KCNQ3: variants seen among roughly 807,000 people sequenced by gnomAD.
The protein encoded by KCNQ3 is potassium voltage-gated channel subfamily KQT member 3.
KCNQ3 carries 30 observed loss-of-function variants against 92.5 expected under a neutral mutation model. That is an observed-to-expected ratio of 0.32 (90% CI 0.24 to 0.44). KCNQ3 has a LOEUF of 0.44. KCNQ3 is among the 20% of genes least tolerant of loss of function. The pLI is 1.00. For missense variants in KCNQ3, 913 were observed against 1,140.3 expected, an observed-to-expected ratio of 0.80 and a Z score of 2.87; for synonymous variants, 450 against 468.8, an observed-to-expected ratio of 0.96 and a Z score of 0.52.
intron 1 of KCNQ3, among the ~76,000 whole-genome samples, chr8:132,285,252 G>C (rs1021534494): frequency 3.9e-5 from 6 of 152,298 alleles, no homozygotes; most frequent in African/African-American, 1.2e-4. Flanking sequence ...TCTGGTGAGA[G>C]CACAGAAGAC....
chr8:132,181,133 C>T (rs1826755164), intron 3 of KCNQ3, among the ~76,000 whole-genome samples: 1 of 152,140 alleles, frequency 6.6e-6, no homozygotes, highest in South Asian at 2.1e-4. Flanking sequence ...AGAATGTCCA[C>T]TACAGACATT....
intron 1 of KCNQ3, among the ~76,000 whole-genome samples, chr8:132,282,694 C>A (rs1816561115): frequency 6.6e-6 from 1 of 152,232 alleles, no homozygotes; most frequent in East Asian, 1.9e-4. Context: ...CCAGCTTAGG[C>A]ACAAAGGCAG....
intron 1 of KCNQ3, among the ~76,000 whole-genome samples, chr8:132,308,354 C>T (rs985111079): frequency 6.6e-6 from 1 of 152,060 alleles, no homozygotes; most frequent in Non-Finnish European, 1.5e-5. Flanking sequence ...TCTACAGTGA[C>T]AAGTACCATT....
chr8:132,371,505 G>T (rs2130738452), intron 1 of KCNQ3, among the ~76,000 whole-genome samples: 1 of 152,320 alleles, frequency 6.6e-6, no homozygotes, highest in African/African-American at 2.4e-5. Context: ...AGGATGAGAT[G>T]GAAATGACTG....
chr8:132,287,493 A>G (rs1341045652), intron 1 of KCNQ3, among the ~76,000 whole-genome samples: 1 of 152,254 alleles, frequency 6.6e-6, no homozygotes, highest in Non-Finnish European at 1.5e-5. Flanking sequence ...ACTATTGGCA[A>G]TAGCCAAAAG....
intron 1 of KCNQ3, among the ~76,000 whole-genome samples, chr8:132,272,530 A>T (rs1011911371): frequency 6.6e-6 from 1 of 152,196 alleles, no homozygotes; most frequent in Admixed American, 6.5e-5. Flanking sequence ...GGGAAGAAAA[A>T]GAGGTTTAAT....
intron 4 of KCNQ3, among the ~76,000 whole-genome samples, chr8:132,179,525 C>T (rs764673876): frequency 1.3e-5 from 2 of 152,094 alleles, no homozygotes; most frequent in Admixed American, 1.3e-4. Flanking sequence ...ATGAGCTAGT[C>T]CTTGTCAAGC....
At chr8:132,368,013 C>T (rs569457389) in intron 1 of KCNQ3, among the ~76,000 whole-genome samples, 6 of 152,300 alleles carry the variant, frequency 3.9e-5, no homozygotes, top group African/African-American at 1.4e-4. Flanking sequence ...GAAAGGGAAA[C>T]AATACCACCT....
At chr8:132,383,177 A>G (rs1049404394) in intron 1 of KCNQ3, among the ~76,000 whole-genome samples, 1 of 152,200 alleles carries the variant, frequency 6.6e-6, no homozygotes, top group Non-Finnish European at 1.5e-5. Flanking sequence ...TTTGAAGACC[A>G]AGTGCTCACC....
intron 1 of KCNQ3, among the ~76,000 whole-genome samples, chr8:132,320,410 C>T (rs143887814): frequency 1.3e-4 from 20 of 152,228 alleles, no homozygotes; most frequent in African/African-American, 3.6e-4. Flanking sequence ...GTCTTTCTTG[C>T]CTGTTTTGCC....
chr8:132,449,134 T>C (rs1821763729), intron 1 of KCNQ3, among the ~76,000 whole-genome samples: 1 of 152,206 alleles, frequency 6.6e-6, no homozygotes, highest in South Asian at 2.1e-4. Context: ...AGCCATTCAG[T>C]GGGTTAGAGC....
At chr8:132,265,755 G>T (rs189989382) in intron 1 of KCNQ3, among the ~76,000 whole-genome samples, 92 of 152,264 alleles carry the variant, frequency 6.0e-4, no homozygotes, top group Middle Eastern at 6.8e-3. Flanking sequence ...GCTTTAAATG[G>T]CCTTATGTGT....
chr8:132,453,529 G>C (rs901520456), intron 1 of KCNQ3, among the ~76,000 whole-genome samples: 1 of 152,116 alleles, frequency 6.6e-6, no homozygotes, highest in African/African-American at 2.4e-5. Context: ...AAACCGAGGG[G>C]CCTGCACTGG....
chr8:132,392,104 G>A (rs138546761), intron 1 of KCNQ3, among the ~76,000 whole-genome samples: 122 of 152,114 alleles, frequency 8.0e-4, no homozygotes, highest in African/African-American at 2.8e-3. Context: ...TACAGCATCC[G>A]GCCTCCCCCC....
chr8:132,301,273 C>G (rs554477225), intron 1 of KCNQ3, among the ~76,000 whole-genome samples: 1 of 152,168 alleles, frequency 6.6e-6, no homozygotes, highest in South Asian at 2.1e-4. Context: ...TCCGACTGTA[C>G]GCCCATCTCA....
intron 1 of KCNQ3, among the ~76,000 whole-genome samples, chr8:132,349,571 G>A (rs1056243830): frequency 2.0e-5 from 3 of 152,190 alleles, no homozygotes; most frequent in African/African-American, 7.2e-5. Flanking sequence ...TGCAAGAAGG[G>A]GCTTGGGATA....
At chr8:132,269,311 A>G (rs947588843) in intron 1 of KCNQ3, among the ~76,000 whole-genome samples, 2 of 152,072 alleles carry the variant, frequency 1.3e-5, no homozygotes, top group African/African-American at 4.8e-5. Flanking sequence ...ATTTTCTCCT[A>G]TGTTTCCTCC....
intron 1 of KCNQ3, among the ~76,000 whole-genome samples, chr8:132,434,088 T>G (rs1391458339): frequency 8.9e-5 from 13 of 145,932 alleles, no homozygotes; most frequent in Admixed American, 6.8e-4. Flanking sequence ...GGCGCCTGTA[T>G]TCCCAGCTAC....
intron 1 of KCNQ3, among the ~76,000 whole-genome samples, chr8:132,305,197 C>T (rs1353293637): frequency 6.6e-6 from 1 of 152,178 alleles, no homozygotes; most frequent in Non-Finnish European, 1.5e-5. Flanking sequence ...TAAACTGATC[C>T]AGCCATGACA....
Sources: allele counts gnomAD v4.1 joint callset (sites outside exome capture counted in the v4.1 genomes callset), GRCh38; gene constraint gnomAD v4.1.1; transcripts MANE v1.5; gene names NCBI Gene and HGNC (gene_info 2026-07-23, HGNC 2026-07-21).